The following ARHGAP15 variants were observed in gnomAD, a reference collection of about 807,000 sequenced individuals.
ARHGAP15 encodes the protein Rho GTPase activating protein 15, also known as rho GTPase-activating protein 15.
A neutral mutation model predicts 63.7 loss-of-function variants in ARHGAP15; 51 were observed. That is an observed-to-expected ratio of 0.80 (90% confidence interval 0.64 to 1.01). The LOEUF (loss-of-function observed/expected upper bound fraction) is 1.01. Among genes scored for constraint, ARHGAP15 ranks in the 50% least tolerant of loss-of-function variants. The probability of loss-of-function intolerance (pLI) is 0.00; values close to 1 mark genes in which losing one functional copy is unlikely to be tolerated. For synonymous variants in ARHGAP15, 191 were observed against 193.8 expected (o/e 0.99, Z 0.12); for missense variants, 560 against 564.6 (o/e 0.99, Z 0.08).
In ARHGAP15 at chr2:143,487,448, C is replaced by T. The variant is rs753918703; in HGVS notation, c.779C>T (p.Thr260Ile). The change falls in exon 9 of 14, where the codon ACC (threonine) becomes ATC (isoleucine). Residue 260 changes from threonine to isoleucine, a missense_variant. Transcript: ENST00000295095. ...AAAAGCAGATTAAAGAAGTTTATTA[C>T]CCGAAGACCTTCCCTGAAAACTCTG... is the stretch of plus-strand genomic sequence containing the variant. The part of the protein sequence containing the change: ...RVKSRLKKFI[T>I]RRPSLKTLQE... 1 of 1,613,612 alleles carries T rather than the reference C, an allele frequency of 6.2e-7. No individual in the cohort carries two copies. Among genetic ancestry groups the T allele is most frequent in the East Asian group, 2.2e-5 (1 of 44,830 alleles).
At chr2:143,440,494 T>C (rs1484706769) in intron 8 of ARHGAP15, among the ~76,000 whole-genome samples, 1 of 152,180 alleles carries the variant, frequency 6.6e-6, no homozygotes, top group Admixed American at 6.5e-5. Context: ...GCCGCCAAGA[T>C]TGTAGACAGA....
intron 11 of ARHGAP15, among the ~76,000 whole-genome samples, chr2:143,564,353 G>A (rs760553032): frequency 3.3e-5 from 5 of 152,226 alleles, no homozygotes; most frequent in Middle Eastern, 3.4e-3. Context: ...CACAAGAAAG[G>A]GGGGATAATT....
chr2:143,490,420 T>G (rs1275460568), intron 9 of ARHGAP15, among the ~76,000 whole-genome samples: 3 of 152,136 alleles, frequency 2.0e-5, no homozygotes, highest in African/African-American at 7.2e-5. Flanking sequence ...AGGGCTAATA[T>G]TTTATTGACC....
intron 11 of ARHGAP15, among the ~76,000 whole-genome samples, chr2:143,612,417 C>T (rs1312962153): frequency 2.6e-5 from 4 of 152,180 alleles, no homozygotes; most frequent in African/African-American, 7.2e-5. Context: ...TGATAATTCA[C>T]CTTAAATGTC....
intron 12 of ARHGAP15, among the ~76,000 whole-genome samples, chr2:143,629,897 T>A (rs941559165): frequency 3.3e-5 from 5 of 152,170 alleles, no homozygotes; most frequent in African/African-American, 1.2e-4. Context: ...AAGAAATTAG[T>A]TTTTAGAGAA....
At chr2:143,208,097 G>A (rs182861741) in intron 3 of ARHGAP15, among the ~76,000 whole-genome samples, 106 of 152,232 alleles carry the variant, frequency 7.0e-4, no homozygotes, top group African/African-American at 2.5e-3. Context: ...AAATACTTCT[G>A]AGAATTAATG....
In ARHGAP15 at chr2:143,753,119, T is replaced by C. The variant is rs1424908634; in HGVS notation, c.1245-14870T>C. ...ATGATTGTGCCACTGCACTCTAGCC[T>C]GGGCGACAGAATAAGCTCGTCTCTT... On this transcript the variant is annotated intron_variant, in intron 13 of 13. Coordinates refer to ENST00000295095, the MANE Select transcript of ARHGAP15 (RefSeq NM_018460.4). 3.3e-5 allele frequency among the ~76,000 whole-genome samples: 5 copies of C among 152,224 alleles called. No homozygotes were observed. The East Asian group carries it at 9.6e-4, about 29-fold the overall frequency.
At chr2:143,628,432 T>C (rs1698927300) in intron 12 of ARHGAP15, among the ~76,000 whole-genome samples, 1 of 152,184 alleles carries the variant, frequency 6.6e-6, no homozygotes, top group Admixed American at 6.5e-5. Flanking sequence ...TGAGATGCTG[T>C]TGCACCCGGT....
intron 11 of ARHGAP15, among the ~76,000 whole-genome samples, chr2:143,602,535 T>C (rs548495214): frequency 2.6e-4 from 39 of 152,232 alleles, no homozygotes; most frequent in African/African-American, 8.9e-4. Context: ...ACCTTCTATG[T>C]ACTTGCTCCT....
intron 8 of ARHGAP15, among the ~76,000 whole-genome samples, chr2:143,475,448 G>A (rs984872742): frequency 6.6e-6 from 1 of 152,250 alleles, no homozygotes; most frequent in Admixed American, 6.5e-5. Context: ...TCAAAATGAT[G>A]CTTTTAATAG....
At chr2:143,734,151 C>T (rs936957709) in intron 13 of ARHGAP15, among the ~76,000 whole-genome samples, 11 of 152,154 alleles carry the variant, frequency 7.2e-5, no homozygotes, top group Admixed American at 4.6e-4. Flanking sequence ...CGAACAGTCA[C>T]GGTCCTTTTC....
intron 2 of ARHGAP15, among the ~76,000 whole-genome samples, chr2:143,162,951 T>C (rs1690357951): frequency 6.6e-6 from 1 of 151,998 alleles, no homozygotes; most frequent in African/African-American, 2.4e-5. Context: ...GTGTTTACCA[T>C]TTAATTTACA....
In ARHGAP15 at chr2:143,413,964, T is replaced by C. The variant is rs146458256; in HGVS notation, c.475-21637T>C. Among the ~76,000 whole-genome samples the C allele has an allele frequency of 8.2e-3, 551 of 67,040 alleles. 5 individuals carry two copies. Among genetic ancestry groups the C allele is most frequent in the South Asian group, 0.015 (27 of 1,768 alleles). 44.0% of individuals were successfully genotyped at this position (67,040 alleles called of 152,430 possible). On this transcript the variant is annotated intron_variant, in intron 6 of 13. Transcript: ENST00000295095. ...GTGTGTGTGTGTGTGTGTGTGTGTG[T>C]GTGCGCGCTCTCTGGCAGAAAGTTA...
intron 12 of ARHGAP15, among the ~76,000 whole-genome samples, chr2:143,666,142 G>A (rs1263519179): frequency 6.6e-6 from 1 of 151,574 alleles, no homozygotes; most frequent in Admixed American, 6.6e-5. Flanking sequence ...CAAAGCTGGA[G>A]GCATCACACT....
intron 12 of ARHGAP15, among the ~76,000 whole-genome samples, chr2:143,627,433 T>A (rs995501064): frequency 7.9e-5 from 12 of 152,180 alleles, no homozygotes; most frequent in African/African-American, 2.9e-4. Context: ...TTAAATATTC[T>A]TAAGCAATGA....
chr2:143,549,035 G>T (rs1019025901), intron 10 of ARHGAP15, among the ~76,000 whole-genome samples: 1 of 152,092 alleles, frequency 6.6e-6, no homozygotes, highest in East Asian at 1.9e-4. Context: ...CTGAAACCCT[G>T]TATCAACCTA....
At chr2:143,549,821 G>A (rs1695479189) in intron 10 of ARHGAP15, among the ~76,000 whole-genome samples, 1 of 152,066 alleles carries the variant, frequency 6.6e-6, no homozygotes, top group Non-Finnish European at 1.5e-5. Flanking sequence ...TTGATAACTG[G>A]GGAGAACCCC....
chr2:143,579,819 C>T (rs985556718), intron 11 of ARHGAP15, among the ~76,000 whole-genome samples: 1 of 151,774 alleles, frequency 6.6e-6, no homozygotes, highest in African/African-American at 2.4e-5. Flanking sequence ...TTTTCCAGCA[C>T]TCCCTGCACA....
At chr2:143,659,835 C>A (rs1004681069) in intron 12 of ARHGAP15, among the ~76,000 whole-genome samples, 1 of 152,070 alleles carries the variant, frequency 6.6e-6, no homozygotes, top group African/African-American at 2.4e-5. Flanking sequence ...CAACTAGTTT[C>A]TGTGTTCTGC....
Sources: gnomAD v4.1 joint callset for allele counts (sites outside exome capture counted in the v4.1 genomes callset) on GRCh38, gnomAD v4.1.1 for gene constraint, MANE v1.5 for transcripts, NCBI Gene and HGNC (gene_info 2026-07-23, HGNC 2026-07-21) for gene names.